Variants in TMEM117 observed in about 807,000 individuals in gnomAD.
TMEM117 encodes transmembrane protein 117.
TMEM117 carries 27 observed loss-of-function variants against 52.4 expected under a neutral mutation model. The ratio of observed to expected loss-of-function variants is 0.51; its 90% CI spans 0.38 to 0.71. TMEM117 has a LOEUF of 0.71. TMEM117 is among the 30% of genes least tolerant of loss of function. The pLI is 0.00. For synonymous variants in TMEM117, 215 were observed against 206.3 expected (o/e 1.04, Z -0.36); for missense variants, 556 against 630.5 (o/e 0.88, Z 1.26).
intron 3 of TMEM117, among the ~76,000 whole-genome samples, chr12:44,047,115 GTA>G (rs1438545580): frequency 6.6e-6 from 1 of 151,468 alleles, no homozygotes; most frequent in South Asian, 2.1e-4. Context: ...ATATTTTAGT[GTA>G]TATATGTGTG....
intron 7 of TMEM117, among the ~76,000 whole-genome samples, chr12:44,379,804 G>T (rs533429548): frequency 4.6e-5 from 7 of 152,132 alleles, no homozygotes; most frequent in Admixed American, 1.3e-4. Flanking sequence ...CCGAGCCCTG[G>T]TACTTTTTTT....
intron 2 of TMEM117, among the ~76,000 whole-genome samples, chr12:43,869,176 A>G (rs902669551): frequency 2.6e-5 from 4 of 152,218 alleles, no homozygotes; most frequent in African/African-American, 4.8e-5. Context: ...ATATATTTAT[A>G]TAAGAAATTG....
At chr12:43,847,089 G>A (rs1273181438) in intron 2 of TMEM117, among the ~76,000 whole-genome samples, 3 of 152,280 alleles carry the variant, frequency 2.0e-5, no homozygotes, top group African/African-American at 7.2e-5. Flanking sequence ...AAATTTTGTT[G>A]TTGGTGGTGG....
intron 3 of TMEM117, among the ~76,000 whole-genome samples, chr12:43,957,902 C>T (rs935725377): frequency 5.9e-5 from 9 of 152,262 alleles, no homozygotes; most frequent in East Asian, 3.9e-4. Context: ...CACACCATGA[C>T]GTTGATCAGA....
In TMEM117 at chr12:44,010,371, G is replaced by A. The variant is rs569901712; in HGVS notation, c.410+66029G>A. 2.2e-4 allele frequency: 83 copies of A among 373,240 alleles called. 1 individual carries two copies. In the Middle Eastern group the frequency reaches 0.017, roughly 74 times the overall value. The allele number at this position is 373,240 out of a possible 1,614,324, so 23.1% of individuals were successfully genotyped here. A position where few individuals can be genotyped will look rare whatever the true frequency, so the allele number is the denominator to read the frequency against. ...CTGGGTATTGAAGCTCTGTTCCTGC[G>A]CCACATGGGGAAGCGGTGTCAGGAA... On this transcript the variant is annotated intron_variant, in intron 3 of 7. Transcript: ENST00000266534.
intron 2 of TMEM117, among the ~76,000 whole-genome samples, chr12:43,849,831 C>T (rs1943275507): frequency 6.6e-6 from 1 of 152,136 alleles, no homozygotes; most frequent in Non-Finnish European, 1.5e-5. Flanking sequence ...ACCTCTCATT[C>T]TCTGATCCAA....
chr12:43,857,038 G>C (rs1375087029), intron 2 of TMEM117, among the ~76,000 whole-genome samples: 2 of 152,156 alleles, frequency 1.3e-5, no homozygotes. Flanking sequence ...GGAAAGCAAG[G>C]TAAGGCTGGA....
chr12:44,282,666 T>C (rs1227883522), intron 5 of TMEM117, among the ~76,000 whole-genome samples: 1 of 152,206 alleles, frequency 6.6e-6, no homozygotes, highest in Non-Finnish European at 1.5e-5. Flanking sequence ...AAGCAGAGCA[T>C]AAAAGTTTGG....
chr12:43,920,215 A>G (rs1337460144), intron 2 of TMEM117, among the ~76,000 whole-genome samples: 1 of 152,012 alleles, frequency 6.6e-6, no homozygotes, highest in African/African-American at 2.4e-5. Context: ...ACGTCTTTGC[A>G]CTCCTCTCTT....
chr12:43,858,125 G>A (rs1943430890), intron 2 of TMEM117, among the ~76,000 whole-genome samples: 1 of 152,200 alleles, frequency 6.6e-6, no homozygotes, highest in Non-Finnish European at 1.5e-5. Context: ...CAGTCCTATT[G>A]TTTTTAATTT....
At chr12:44,072,430 T>C (rs1245774331) in intron 3 of TMEM117, among the ~76,000 whole-genome samples, 1 of 152,200 alleles carries the variant, frequency 6.6e-6, no homozygotes, top group Non-Finnish European at 1.5e-5. Context: ...TTTTGTCTTT[T>C]GTCTCTTTCT....
chr12:43,965,156 G>T (rs1480689594), intron 3 of TMEM117, among the ~76,000 whole-genome samples: 1 of 152,188 alleles, frequency 6.6e-6, no homozygotes, highest in Non-Finnish European at 1.5e-5. Context: ...AGAGACATAC[G>T]CATTCAAGTC....
At chr12:43,818,741 C>T in the TMEM117 span, among the ~76,000 whole-genome samples, 1 of 152,158 alleles carries the variant, frequency 6.6e-6, no homozygotes. Context: ...CCGCACCTGG[C>T]CTGTATCTGT....
In TMEM117 at chr12:44,155,093, T is replaced by A. The variant is rs1016382158; in HGVS notation, c.510+11469T>A. Among the ~76,000 whole-genome samples the A allele has an allele frequency of 2.0e-5, 3 of 152,106 alleles. No homozygotes were observed. The South Asian group carries it at 6.2e-4, about 31-fold the overall frequency. ...CTCTTTCCTCCATTCAGCCACCTTTTTGCAACAAACATTTTGAGATAAAAA... is the reference window on the plus strand; with the variant it reads ...CTCTTTCCTCCATTCAGCCACCTTTATGCAACAAACATTTTGAGATAAAAA... On this transcript the variant is annotated intron_variant, in intron 4 of 7. Transcript: ENST00000266534.
chr12:44,188,051 T>G (rs1592591865), intron 4 of TMEM117, among the ~76,000 whole-genome samples: 1 of 152,184 alleles, frequency 6.6e-6, no homozygotes, highest in African/African-American at 2.4e-5. Context: ...AAGGGGGATA[T>G]AAAATACAAT....
At chr12:43,820,699 CA>C in the TMEM117 span, among the ~76,000 whole-genome samples, 1 of 151,532 alleles carries the variant, frequency 6.6e-6, no homozygotes, top group East Asian at 1.9e-4. Context: ...TCCTCATAAT[CA>C]AAAGACAGCA....
intron 3 of TMEM117, among the ~76,000 whole-genome samples, chr12:44,035,909 T>A (rs1305853915): frequency 1.3e-5 from 2 of 152,188 alleles, no homozygotes; most frequent in Non-Finnish European, 1.5e-5. Flanking sequence ...TGAGGGCCCC[T>A]GAGTTTTCTT....
chr12:44,368,740 A>G (rs571430330), intron 6 of TMEM117, among the ~76,000 whole-genome samples: 5 of 152,296 alleles, frequency 3.3e-5, no homozygotes, highest in Admixed American at 3.3e-4. Flanking sequence ...AAAGCACCAA[A>G]TAAGTAGGAG....
chr12:44,315,675 T>A (rs1009588040), intron 6 of TMEM117, among the ~76,000 whole-genome samples: 1 of 152,180 alleles, frequency 6.6e-6, no homozygotes, highest in African/African-American at 2.4e-5. Context: ...TGAGCACTAT[T>A]GTGTGGTGGG....
Sources: allele counts gnomAD v4.1 joint callset (sites outside exome capture counted in the v4.1 genomes callset), GRCh38; gene constraint gnomAD v4.1.1; transcripts MANE v1.5; gene names NCBI Gene and HGNC (gene_info 2026-07-23, HGNC 2026-07-21).